The following EDIL3 variants were observed in gnomAD, a reference collection of about 807,000 sequenced individuals.
The protein encoded by EDIL3 is EGF-like repeat and discoidin I-like domain-containing protein 3.
EDIL3 carries 37 observed loss-of-function variants against 67.4 expected under a neutral mutation model. The observed-to-expected ratio is 0.55, with a 90% CI of 0.42 to 0.72. EDIL3 has a LOEUF of 0.72. Ranked by LOEUF, EDIL3 falls within the 30% of genes least tolerant of loss-of-function variation. EDIL3 has a pLI of 0.00. For synonymous variants in EDIL3, 195 were observed against 196.3 expected (o/e 0.99, Z 0.05); for missense variants, 527 against 586.3 (o/e 0.90, Z 1.04).
chr5:84,262,267 T>C (rs1239960993), intron 1 of EDIL3, among the ~76,000 whole-genome samples: 1 of 152,064 alleles, frequency 6.6e-6, no homozygotes, highest in Non-Finnish European at 1.5e-5. Context: ...CCCTCCACAG[T>C]TTCTTAAAGC....
At chr5:84,370,511 A>G (rs1486651023) in intron 1 of EDIL3, among the ~76,000 whole-genome samples, 3 of 152,210 alleles carry the variant, frequency 2.0e-5, no homozygotes, top group Non-Finnish European at 4.4e-5. Flanking sequence ...CAGCTCCTCC[A>G]TATGATAATT....
intron 1 of EDIL3, among the ~76,000 whole-genome samples, chr5:84,383,295 C>T (rs930395411): frequency 6.6e-6 from 1 of 152,094 alleles, no homozygotes; most frequent in African/African-American, 2.4e-5. Flanking sequence ...CCCCCGCTGC[C>T]CTTTTCCGGC....
chr5:84,066,848 G>A (rs1746651379), intron 6 of EDIL3, among the ~76,000 whole-genome samples: 1 of 152,132 alleles, frequency 6.6e-6, no homozygotes, highest in African/African-American at 2.4e-5. Flanking sequence ...AAAGGGCAAT[G>A]TGCCCCAAAA....
At chr5:84,096,142 G>T (rs1026726163) in intron 6 of EDIL3, among the ~76,000 whole-genome samples, 1 of 152,174 alleles carries the variant, frequency 6.6e-6, no homozygotes, top group African/African-American at 2.4e-5. Flanking sequence ...AGTGCAGAAG[G>T]GAAACGGGGG....
At chr5:84,076,275 A>G (rs1468034664) in intron 6 of EDIL3, among the ~76,000 whole-genome samples, 1 of 152,160 alleles carries the variant, frequency 6.6e-6, no homozygotes, top group Admixed American at 6.5e-5. Flanking sequence ...TGCAGCTAGA[A>G]AAGAAGAGAT....
chr5:84,071,624 G>A (rs530234977), intron 6 of EDIL3, among the ~76,000 whole-genome samples: 1 of 152,300 alleles, frequency 6.6e-6, no homozygotes, highest in East Asian at 1.9e-4. Context: ...AAACTAGTAA[G>A]CAGCAAGACA....
intron 6 of EDIL3, among the ~76,000 whole-genome samples, chr5:84,083,969 C>T (rs1051897260): frequency 6.6e-6 from 1 of 151,976 alleles, no homozygotes; most frequent in Non-Finnish European, 1.5e-5. Context: ...CAGTATGGTA[C>T]AAGTAGGGGA....
At chr5:84,117,258 C>T (rs1438931796) in intron 5 of EDIL3, among the ~76,000 whole-genome samples, 4 of 151,918 alleles carry the variant, frequency 2.6e-5, no homozygotes. Context: ...TCTCGATCTC[C>T]TGACCTCGTG....
At chr5:84,249,577 A>C (rs1358297766) in intron 2 of EDIL3, among the ~76,000 whole-genome samples, 1 of 152,154 alleles carries the variant, frequency 6.6e-6, no homozygotes. Context: ...TAAACACTCA[A>C]TAAATATTTG....
chr5:84,207,659 A>C (rs1408651235), intron 3 of EDIL3, among the ~76,000 whole-genome samples: 3 of 151,876 alleles, frequency 2.0e-5, no homozygotes, highest in Non-Finnish European at 2.9e-5. Flanking sequence ...CTACAAGGCT[A>C]CAGTAACCAA....
rs1455127471 is a variant in EDIL3, at chr5:84,326,005, C to A, written c.67+58303G>T. Among the ~76,000 whole-genome samples, 6 of 152,058 alleles carry A rather than the reference C, an allele frequency of 3.9e-5. No homozygotes were observed. The East Asian group carries it at 9.6e-4, about 24-fold the overall frequency. On this transcript the variant is annotated intron_variant, in intron 1 of 10. Coordinates refer to ENST00000296591, the MANE Select transcript of EDIL3 (RefSeq NM_005711.5). ...AATGCAGCAGTTTTCAGAAGTGGGA[C>A]CTTTAAGTGGCTGATTAGGTTACCA...
intron 9 of EDIL3, among the ~76,000 whole-genome samples, chr5:84,050,349 G>A (rs1214476729): frequency 2.0e-5 from 3 of 152,082 alleles, no homozygotes; most frequent in East Asian, 1.9e-4. Context: ...CAACATGGCA[G>A]AATAGGAACA....
At position 84,080,531 on chromosome 5, in the gene EDIL3, T is replaced by C. The variant is rs1296011869; in HGVS notation, c.652-13925A>G. ...GCTCATCAAGGGTCATTTGTGTTTG[T>C]TCCCCAATCTGTTTTCTTTTCAAGT... is the stretch of plus-strand genomic sequence containing the variant. On this transcript the variant is annotated intron_variant, in intron 6 of 10. Coordinates refer to ENST00000296591, the MANE Select transcript of EDIL3 (RefSeq NM_005711.5). 3.9e-5 allele frequency among the ~76,000 whole-genome samples: 6 copies of C among 152,288 alleles called. No homozygotes were observed. In the East Asian group the frequency reaches 7.7e-4, roughly 20 times the overall value.
chr5:84,226,842 C>A (rs1394631063), intron 3 of EDIL3, among the ~76,000 whole-genome samples: 1 of 151,880 alleles, frequency 6.6e-6, no homozygotes, highest in Non-Finnish European at 1.5e-5. Context: ...GTGCACATCA[C>A]TCTGGAGGAA....
intron 6 of EDIL3, among the ~76,000 whole-genome samples, chr5:84,086,322 C>A (rs1433218881): frequency 6.6e-6 from 1 of 152,134 alleles, no homozygotes; most frequent in Admixed American, 6.5e-5. Flanking sequence ...TCCTGATCTG[C>A]GGATTGCAAA....
chr5:84,182,661 A>T (rs1221620818), intron 3 of EDIL3, among the ~76,000 whole-genome samples: 1 of 152,068 alleles, frequency 6.6e-6, no homozygotes, highest in East Asian at 1.9e-4. Context: ...ATTTTTTTCC[A>T]TTTAAAATGT....
intron 1 of EDIL3, among the ~76,000 whole-genome samples, chr5:84,383,617 C>T (rs924837046): frequency 3.3e-5 from 5 of 152,150 alleles, no homozygotes; most frequent in Non-Finnish European, 5.9e-5. Context: ...AACACTGGTA[C>T]TCGGAGGGGG....
chr5:83,972,666 G>A (rs957031377), intron 9 of EDIL3, among the ~76,000 whole-genome samples: 2 of 151,998 alleles, frequency 1.3e-5, no homozygotes, highest in Admixed American at 6.6e-5. Flanking sequence ...AAGACTCCAT[G>A]TATACGAATG....
intron 1 of EDIL3, among the ~76,000 whole-genome samples, chr5:84,273,545 A>T (rs2112098930): frequency 6.6e-6 from 1 of 152,342 alleles, no homozygotes; most frequent in East Asian, 1.9e-4. Flanking sequence ...AAATGTTTTT[A>T]AAATGCCTCA....
Sources: allele counts gnomAD v4.1 joint callset (sites outside exome capture counted in the v4.1 genomes callset), GRCh38; gene constraint gnomAD v4.1.1; transcripts MANE v1.5; gene names NCBI Gene and HGNC (gene_info 2026-07-23, HGNC 2026-07-21).